Variants in PAWR observed in about 807,000 individuals in gnomAD.
PAWR encodes the protein PRKC apoptosis WT1 regulator protein.
PAWR carries 23 observed loss-of-function variants against 32.0 expected under a neutral mutation model. The ratio of observed to expected loss-of-function variants is 0.72; its 90% CI spans 0.52 to 1.02. The LOEUF (loss-of-function observed/expected upper bound fraction) is 1.02. PAWR is among the 50% of genes least tolerant of loss of function. The probability of loss-of-function intolerance (pLI) is 0.00; values close to 1 mark genes in which losing one functional copy is unlikely to be tolerated. For missense variants in PAWR, 457 were observed against 437.7 expected, an observed-to-expected ratio of 1.04 and a Z score of -0.39; for synonymous variants, 226 against 187.1, an observed-to-expected ratio of 1.21 and a Z score of -1.70.
At chr12:79,616,950 T>C (rs1173145165) in intron 3 of PAWR, among the ~76,000 whole-genome samples, 1 of 152,220 alleles carries the variant, frequency 6.6e-6, no homozygotes, top group Non-Finnish European at 1.5e-5. Context: ...AATATTTCAA[T>C]AGTTAAGATT....
intron 2 of PAWR, among the ~76,000 whole-genome samples, chr12:79,678,396 A>G (rs1878275188): frequency 6.6e-6 from 1 of 152,218 alleles, no homozygotes; most frequent in African/African-American, 2.4e-5. Flanking sequence ...TTCACTCCCC[A>G]TCATGAATTT....
intron 2 of PAWR, among the ~76,000 whole-genome samples, chr12:79,648,617 TAAAAAAAA>T (rs1170404778): frequency 1.8e-5 from 2 of 108,328 alleles, no homozygotes. Flanking sequence ...ACCCTGTCTC[TAAAAAAAA>T]AAAAAAAAAA....
chr12:79,630,382 C>T (rs1346627769), intron 2 of PAWR, among the ~76,000 whole-genome samples: 1 of 151,962 alleles, frequency 6.6e-6, no homozygotes, highest in Non-Finnish European at 1.5e-5. Context: ...TCACTGCAAC[C>T]TCTGCCTCCC....
At chr12:79,646,360 A>T (rs1328911383) in intron 2 of PAWR, among the ~76,000 whole-genome samples, 1 of 152,210 alleles carries the variant, frequency 6.6e-6, no homozygotes, top group East Asian at 1.9e-4. Context: ...ATACTGAACT[A>T]AAGACATGTC....
At chr12:79,626,568 C>CA (rs1289080808) in intron 2 of PAWR, among the ~76,000 whole-genome samples, 4 of 149,768 alleles carry the variant, frequency 2.7e-5, no homozygotes, top group Admixed American at 6.7e-5. Context: ...GAAATGACAA[C>CA]TTTTTTTTTC....
At chr12:79,639,911 C>CATTCCATTCT (rs1566014452) in intron 2 of PAWR, among the ~76,000 whole-genome samples, 20 of 102,864 alleles carry the variant, frequency 1.9e-4, no homozygotes, top group African/African-American at 8.9e-4. Context: ...CATTCCATTC[C>CATTCCATTCT]ATTCTATTCT....
intron 2 of PAWR, among the ~76,000 whole-genome samples, chr12:79,668,963 A>G (rs959265726): frequency 1.3e-5 from 2 of 152,236 alleles, no homozygotes. Flanking sequence ...TGCACTTCCA[A>G]CTGTGTGCTG....
At chr12:79,628,902 T>C (rs1875473571) in intron 2 of PAWR, among the ~76,000 whole-genome samples, 1 of 152,098 alleles carries the variant, frequency 6.6e-6, no homozygotes, top group Non-Finnish European at 1.5e-5. Flanking sequence ...GTAAGATTCT[T>C]ACACTATACA....
At chr12:79,626,655 A>G (rs972681759) in intron 2 of PAWR, among the ~76,000 whole-genome samples, 31 of 151,048 alleles carry the variant, frequency 2.1e-4, no homozygotes, top group Non-Finnish European at 4.0e-4. Flanking sequence ...TTTGTTACAT[A>G]TATATACATG....
intron 2 of PAWR, among the ~76,000 whole-genome samples, chr12:79,660,863 C>T (rs1176745752): frequency 1.3e-5 from 2 of 151,476 alleles, no homozygotes; most frequent in African/African-American, 2.4e-5. Context: ...GGATTACAGG[C>T]GAGAGCCATT....
At chr12:79,648,798 A>T (rs1876704224) in intron 2 of PAWR, among the ~76,000 whole-genome samples, 3 of 151,564 alleles carry the variant, frequency 2.0e-5, no homozygotes, top group Admixed American at 1.3e-4. Context: ...GGCTAGAAAA[A>T]AAAAAATAAA....
intron 2 of PAWR, chr12:79,688,596 T>C (rs1286706489): frequency 2.6e-5 from 4 of 151,952 alleles, no homozygotes; most frequent in Non-Finnish European, 5.9e-5. Context: ...TGCTGGCTGA[T>C]AAAAATCTCT....
intron 2 of PAWR, among the ~76,000 whole-genome samples, chr12:79,648,362 C>T (rs966723837): frequency 1.3e-5 from 2 of 151,908 alleles, no homozygotes; most frequent in African/African-American, 2.4e-5. Context: ...ATTGCTGGTT[C>T]GGTAAATGAA....
intron 2 of PAWR, among the ~76,000 whole-genome samples, chr12:79,666,734 C>T (rs1407079190): frequency 6.6e-6 from 1 of 152,148 alleles, no homozygotes; most frequent in African/African-American, 2.4e-5. Context: ...TATAAACATG[C>T]AGTGGGCTTT....
chr12:79,613,942 T>A (rs1874560780), intron 3 of PAWR, among the ~76,000 whole-genome samples: 1 of 3,538 alleles, frequency 2.8e-4, no homozygotes, highest in South Asian at 9.1e-3. Flanking sequence ...TATATATATA[T>A]ATATATATAT....
chr12:79,622,424 A>G (rs974033438), intron 2 of PAWR, among the ~76,000 whole-genome samples: 20 of 152,208 alleles, frequency 1.3e-4, no homozygotes, highest in Admixed American at 7.2e-4. Context: ...CGTCATTTAC[A>G]TTAGGTGTAT....
chr12:79,681,672 G>C (rs752586135), intron 2 of PAWR, among the ~76,000 whole-genome samples: 3 of 152,066 alleles, frequency 2.0e-5, no homozygotes, highest in Non-Finnish European at 4.4e-5. Context: ...ATTTCCATGA[G>C]AGAACTACAG....
chr12:79,684,174 A>G (rs1878574764), intron 2 of PAWR, among the ~76,000 whole-genome samples: 1 of 152,196 alleles, frequency 6.6e-6, no homozygotes, highest in African/African-American at 2.4e-5. Context: ...AAAAAAGGAA[A>G]AAAAGCACAG....
intron 2 of PAWR, among the ~76,000 whole-genome samples, chr12:79,630,929 G>A (rs1592514690): frequency 6.7e-6 from 1 of 150,186 alleles, no homozygotes. Context: ...CAGACAAAAA[G>A]GCCTTTGCAA....
Sources: allele counts gnomAD v4.1 joint callset (sites outside exome capture counted in the v4.1 genomes callset), GRCh38; gene constraint gnomAD v4.1.1; transcripts MANE v1.5; gene names NCBI Gene and HGNC (gene_info 2026-07-23, HGNC 2026-07-21).